The following PALLD variants were observed in gnomAD, a reference collection of about 807,000 sequenced individuals.
The protein encoded by PALLD is palladin.
PALLD carries 61 observed loss-of-function variants against 123.5 expected under a neutral mutation model. The observed-to-expected ratio is 0.49, with a 90% confidence interval of 0.40 to 0.61. The LOEUF is 0.61. Among genes scored for constraint, PALLD ranks in the 20% least tolerant of loss-of-function variants. The pLI, the probability that PALLD is intolerant of heterozygous loss-of-function variation, is 0.00. For missense variants in PALLD, 1,273 were observed against 1,377.0 expected, an observed-to-expected ratio of 0.92 and a Z score of 1.20; for synonymous variants, 465 against 496.4, an observed-to-expected ratio of 0.94 and a Z score of 0.84.
chr4:168,862,928 T>G (rs556565835), intron 10 of PALLD, among the ~76,000 whole-genome samples: 1 of 152,328 alleles, frequency 6.6e-6, no homozygotes, highest in African/African-American at 2.4e-5. Flanking sequence ...CAAATTGCCT[T>G]CCATGAGGGA....
At chr4:168,771,733 A>C (rs1734481538) in intron 10 of PALLD, among the ~76,000 whole-genome samples, 1 of 152,094 alleles carries the variant, frequency 6.6e-6, no homozygotes, top group Non-Finnish European at 1.5e-5. Flanking sequence ...TGATTCCCTC[A>C]AGGCGACTCT....
At position 168,906,403 on chromosome 4, in the gene PALLD, C is replaced by T. The variant is rs116076080; in HGVS notation, c.2622+2497C>T. On this transcript the variant is annotated intron_variant, in intron 15 of 21. Transcript: ENST00000505667. Reference sequence around the variant, plus strand: ...AGTGAGGAAGGACTGACTCAGTGCTCATGGCCAATGGCAGTGTGCAGAGTT... The same window carrying T: ...AGTGAGGAAGGACTGACTCAGTGCTTATGGCCAATGGCAGTGTGCAGAGTT... 8.7e-3 allele frequency among the ~76,000 whole-genome samples: 1,326 copies of T among 152,252 alleles called. 17 individuals are homozygous for T. Among genetic ancestry groups the T allele is most frequent in the African/African-American group, 0.03 (1,245 of 41,548 alleles).
chr4:168,769,211 C>T (rs1734082815), intron 10 of PALLD, among the ~76,000 whole-genome samples: 1 of 152,190 alleles, frequency 6.6e-6, no homozygotes, highest in South Asian at 2.1e-4. Flanking sequence ...AAGCTGTTCT[C>T]CTGGCTTCTA....
intron 10 of PALLD, among the ~76,000 whole-genome samples, chr4:168,774,255 A>T (rs1734852849): frequency 6.6e-6 from 1 of 152,158 alleles, no homozygotes; most frequent in African/African-American, 2.4e-5. Context: ...TGCCACCTTC[A>T]AAGTCAGCAT....
At chr4:168,575,298 G>A (rs1463676927) in intron 2 of PALLD, among the ~76,000 whole-genome samples, 1 of 152,092 alleles carries the variant, frequency 6.6e-6, no homozygotes, top group Non-Finnish European at 1.5e-5. Flanking sequence ...AGTTCTGCAT[G>A]GCTGGGAGGA....
intron 10 of PALLD, among the ~76,000 whole-genome samples, chr4:168,737,823 G>T (rs572060329): frequency 5.3e-4 from 80 of 152,332 alleles, no homozygotes; most frequent in African/African-American, 1.7e-3. Flanking sequence ...GCGTAGCTTA[G>T]TAGTTTAGTA....
intron 10 of PALLD, chr4:168,756,098 C>T (rs1030299624): frequency 5.9e-6 from 1 of 169,564 alleles, no homozygotes; most frequent in Non-Finnish European, 1.3e-5. Context: ...TCTCTGTGTT[C>T]TCACTTCCCC....
chr4:168,599,179 AT>A (rs1772297387), intron 2 of PALLD, among the ~76,000 whole-genome samples: 1 of 152,212 alleles, frequency 6.6e-6, no homozygotes, highest in African/African-American at 2.4e-5. Context: ...GTCATAACCA[AT>A]TGTGGTTGAA....
chr4:168,738,070 T>C (rs1449367078), intron 10 of PALLD, among the ~76,000 whole-genome samples: 1 of 152,248 alleles, frequency 6.6e-6, no homozygotes, highest in Non-Finnish European at 1.5e-5. Context: ...ACCTTTGTCC[T>C]AGCCTTCAGC....
At chr4:168,921,786 A>T in intron 18 of PALLD, 45 bp downstream of exon 18, 1 of 1,411,252 alleles carries the variant, frequency 7.1e-7, no homozygotes, top group South Asian at 1.2e-5. Flanking sequence ...AATGAACATC[A>T]GACTTACAAA....
chr4:168,713,953 T>G (rs921328110), intron 10 of PALLD, among the ~76,000 whole-genome samples: 2 of 146,514 alleles, frequency 1.4e-5, no homozygotes, highest in South Asian at 4.3e-4. Context: ...TTTTTTTTTT[T>G]TTTTTTTTTT....
intron 2 of PALLD, among the ~76,000 whole-genome samples, chr4:168,637,869 G>A (rs1422983430): frequency 6.6e-6 from 1 of 151,080 alleles, no homozygotes; most frequent in African/African-American, 2.4e-5. Context: ...GCTTGAAACT[G>A]GGAGGCAGAG....
intron 10 of PALLD, among the ~76,000 whole-genome samples, chr4:168,824,151 C>CT (rs1743100066): frequency 1.3e-5 from 2 of 152,210 alleles, no homozygotes; most frequent in Admixed American, 1.3e-4. Flanking sequence ...TACAGAAGGC[C>CT]TGGCTTTTAA....
rs117353521 is a variant in PALLD at position 168,770,095 on chromosome 4, G to A, written c.1964+58172G>A. ...GGTCTTGGAAGGTCAAGGCTGAGTT[G>A]GGGGAGAGGGCAACATTCATAGGTC... On this transcript the variant is annotated intron_variant, in intron 10 of 21. Transcript: ENST00000505667. 1.5e-4 allele frequency among the ~76,000 whole-genome samples: 23 copies of A among 152,220 alleles called. No homozygotes were observed. In the East Asian group the frequency reaches 4.4e-3, roughly 29 times the overall value.
At chr4:168,711,443 C>G (rs1561432807) in intron 9 of PALLD, 138 bp from the exon 10 acceptor site, 5 of 701,682 alleles carry the variant, frequency 7.1e-6, no homozygotes, top group Non-Finnish European at 1.3e-5. Flanking sequence ...GCTTCTGCGT[C>G]AGATGAGAGC....
chr4:168,895,558 CA>C (rs1480231584), intron 12 of PALLD, among the ~76,000 whole-genome samples: 1 of 152,142 alleles, frequency 6.6e-6, no homozygotes, highest in Non-Finnish European at 1.5e-5. Flanking sequence ...GAAAATGTTA[CA>C]AAGAACATCT....
intron 17 of PALLD, among the ~76,000 whole-genome samples, chr4:168,919,020 AAAT>A (rs1760846398): frequency 1.3e-5 from 2 of 152,182 alleles, no homozygotes; most frequent in Admixed American, 6.5e-5. Context: ...TAAATATAAA[AAAT>A]AAGAGAGTGA....
At chr4:168,682,866 G>A (rs891627569) in intron 4 of PALLD, 132 bp from the exon 5 acceptor site, 31 of 620,812 alleles carry the variant, frequency 5.0e-5, no homozygotes, top group Non-Finnish European at 7.6e-5. Context: ...CAGTTGAAGC[G>A]GATTGCGTAT....
At position 168,921,591 on chromosome 4, in the gene PALLD, C is replaced by G; in HGVS notation, c.2908C>G (p.Pro970Ala). Residue 970 changes from proline to alanine, a missense_variant, in exon 18 of 22, where the codon CCT becomes GCT. Physicochemically the swap from Pro to Ala is conservative, Grantham distance 27. Around this residue, in one of 2 missense-constraint regions of PALLD, gnomAD observed 329 missense variants for 422.5 expected, o/e 0.78. Transcript: ENST00000505667. Reference protein sequence around the residue: ...SWQLDGKPVRPDSAHKMLVRE... With the variant: ...SWQLDGKPVRADSAHKMLVRE... ...GCAACTAGATGGAAAGCCCGTACGCCCTGACAGTGCTCACAAGATGCTGGT... is the reference window on the plus strand; with the variant it reads ...GCAACTAGATGGAAAGCCCGTACGCGCTGACAGTGCTCACAAGATGCTGGT... 1 of 1,609,614 alleles carries G rather than the reference C, an allele frequency of 6.2e-7. No homozygotes were observed.
Sources: gnomAD v4.1 joint callset for allele counts (sites outside exome capture counted in the v4.1 genomes callset) on GRCh38, gnomAD v4.1.1 for gene constraint, gnomAD v4.1.1 regional missense constraint, MANE v1.5 for transcripts, NCBI Gene and HGNC (gene_info 2026-07-23, HGNC 2026-07-21) for gene names.